The following AGO2 variants were observed in gnomAD, a reference collection of about 807,000 sequenced individuals.
AGO2 encodes the protein protein argonaute-2.
AGO2 carries 5 observed loss-of-function variants against 102.3 expected under a neutral mutation model. The observed-to-expected ratio is 0.05, with a 90% CI of 0.03 to 0.10. AGO2 has a LOEUF of 0.10. Among genes scored for constraint, AGO2 ranks in the 10% least tolerant of loss-of-function variants. AGO2 has a pLI of 1.00. For missense variants in AGO2, 541 were observed against 1,183.7 expected, an observed-to-expected ratio of 0.46 and a Z score of 7.97; for synonymous variants, 449 against 473.1, an observed-to-expected ratio of 0.95 and a Z score of 0.66.
At chr8:140,544,388 G>A in intron 13 of AGO2, 85 bp from the exon 14 acceptor site, 1 of 1,110,344 alleles carries the variant, frequency 9.0e-7, no homozygotes, top group East Asian at 2.7e-5. Context: ...CCTTTTGGAG[G>A]TGGTCAGTGT....
Position 140,539,770 on chromosome 8 carries a change from G to A in AGO2, c.2035-316C>T, listed in dbSNP as rs1224503319. ...GCTCTGCGCTGAGAAGGCACATGCA[G>A]AGGCCAAGCTCCTGCAGAAGCTCAG... On this transcript the variant is annotated intron_variant, in intron 15 of 18. Coordinates refer to ENST00000220592, the MANE Select transcript of AGO2 (RefSeq NM_012154.5). The surrounding 1 kb of genome is among the most constrained non-coding windows in gnomAD (Gnocchi z 4.7). 1.3e-5 allele frequency among the ~76,000 whole-genome samples: 2 copies of A among 152,232 alleles called. No individual in the cohort carries two copies. The highest frequency in any genetic ancestry group is 4.8e-5 in the African/African-American group (2 of 41,470).
chr8:140,562,687 G>A (rs1353917573), intron 3 of AGO2, 53 bp from the exon 4 acceptor site: 1 of 1,574,250 alleles, frequency 6.4e-7, no homozygotes. Flanking sequence ...GCCCCAGGGA[G>A]GACGCAGCCT....
intron 3 of AGO2, among the ~76,000 whole-genome samples, chr8:140,570,053 C>A (rs1201637113): frequency 3.9e-5 from 6 of 152,256 alleles, no homozygotes; most frequent in Admixed American, 2.6e-4. Flanking sequence ...GGACATGGGA[C>A]ACCGCCTTAC....
intron 1 of AGO2, among the ~76,000 whole-genome samples, chr8:140,593,806 A>G (rs1405831244): frequency 6.6e-6 from 1 of 152,130 alleles, no homozygotes; most frequent in Non-Finnish European, 1.5e-5. Context: ...GAGGTGTCTG[A>G]CAGGCAGAGC....
At position 140,624,765 on chromosome 8, in the gene AGO2, A is replaced by G. The variant is rs73364318; in HGVS notation, c.22+10720T>C. Among the ~76,000 whole-genome samples the G allele has an allele frequency of 3.1e-3, 478 of 152,354 alleles. 5 individuals carry two copies. Among genetic ancestry groups the G allele is most frequent in the Middle Eastern group, 0.024 (7 of 294 alleles). On this transcript the variant is annotated intron_variant, in intron 1 of 18. Coordinates refer to ENST00000220592, the MANE Select transcript of AGO2 (RefSeq NM_012154.5). ...ATAAGGAGCACAGAGGAAGACAGAC[A>G]CACACCCATGTCATGTGGTGACATC...
In AGO2 at chr8:140,540,099, C is replaced by CA. The variant is rs577749881; in HGVS notation, c.2035-646dup. ...GAGAGTCTTTCTCAAAAAAAACAAA[C>CA]AAAAAAACAAAACAAAAAACACACA... On this transcript the variant is annotated intron_variant, in intron 15 of 18. Transcript: ENST00000220592. This position sits in a 1 kb window ranked among gnomAD's most constrained non-coding sequence, Gnocchi z 5.0. Among the ~76,000 whole-genome samples, 178 of 152,030 alleles carry CA rather than the reference C, an allele frequency of 1.2e-3. No individual in the cohort carries two copies. The highest frequency in any genetic ancestry group is 2.3e-3 in the African/African-American group (97 of 41,462).
At chr8:140,632,061 A>AT (rs1489844918) in intron 1 of AGO2, among the ~76,000 whole-genome samples, 1 of 152,248 alleles carries the variant, frequency 6.6e-6, no homozygotes, top group Non-Finnish European at 1.5e-5. Context: ...AGACTGGACC[A>AT]TTACAGGAGA....
At chr8:140,595,075 C>T (rs955266276) in intron 1 of AGO2, among the ~76,000 whole-genome samples, 5 of 152,130 alleles carry the variant, frequency 3.3e-5, no homozygotes, top group Non-Finnish European at 5.9e-5. Flanking sequence ...TTTAAAATTA[C>T]AAGCCTTTTG....
rs987724183 is a variant in AGO2, at chr8:140,540,567, C to A, written c.2034+597G>T. Among the ~76,000 whole-genome samples, 17 of 152,180 alleles carry A rather than the reference C, an allele frequency of 1.1e-4. No homozygotes were observed. Among genetic ancestry groups the A allele is most frequent in the African/African-American group, 3.1e-4 (13 of 41,446 alleles). On this transcript the variant is annotated intron_variant, in intron 15 of 18. Transcript: ENST00000220592. This position sits in a 1 kb window ranked among gnomAD's most constrained non-coding sequence, Gnocchi z 5.0. ...CCTTGATCTGGGGGTGCTGCGTGTG[C>A]TCTCAACCAAAGACAGCAACGAAAC...
At chr8:140,636,892 A>G (rs1212479572), upstream of AGO2, 1 of 152,304 alleles carries the variant, frequency 6.6e-6, no homozygotes, top group Admixed American at 6.5e-5. Context: ...CAGTGTGCTC[A>G]TATTCACAGG....
At chr8:140,619,246 A>G (rs1399941719) in intron 1 of AGO2, among the ~76,000 whole-genome samples, 1 of 152,192 alleles carries the variant, frequency 6.6e-6, no homozygotes, top group Non-Finnish European at 1.5e-5. Context: ...GCTCGGGAGC[A>G]AGTCTAATAT....
chr8:140,541,455 C>T, intron 14 of AGO2, 97 bp from the exon 15 acceptor site: 1 of 1,183,912 alleles, frequency 8.4e-7, no homozygotes, highest in Non-Finnish European at 1.2e-6. Context: ...CGAGAAGTGT[C>T]CCCACCCTGG....
At chr8:140,609,037 T>C (rs2133062706) in intron 1 of AGO2, among the ~76,000 whole-genome samples, 1 of 152,298 alleles carries the variant, frequency 6.6e-6, no homozygotes, top group East Asian at 1.9e-4. Context: ...TCTGCAGATC[T>C]GGTAAGCATC....
At chr8:140,579,651 G>T (rs925952352) in intron 2 of AGO2, among the ~76,000 whole-genome samples, 1 of 151,752 alleles carries the variant, frequency 6.6e-6, no homozygotes. Context: ...ATACTTAGAT[G>T]GTGTCTTTTG....
intron 2 of AGO2, among the ~76,000 whole-genome samples, chr8:140,579,601 C>T (rs1390727871): frequency 6.6e-6 from 1 of 152,032 alleles, no homozygotes; most frequent in Non-Finnish European, 1.5e-5. Context: ...CACCACACTG[C>T]ATGCCCCAGC....
At chr8:140,625,317 G>A (rs2074262161) in intron 1 of AGO2, among the ~76,000 whole-genome samples, 1 of 152,258 alleles carries the variant, frequency 6.6e-6, no homozygotes, top group South Asian at 2.1e-4. Context: ...CGTTAGCCAG[G>A]CTGGCCTCAA....
chr8:140,600,707 C>A (rs995164996), intron 1 of AGO2, among the ~76,000 whole-genome samples: 1 of 151,208 alleles, frequency 6.6e-6, no homozygotes, highest in Admixed American at 6.6e-5. Flanking sequence ...CCAAAACACG[C>A]TCTCTGTTTT....
intron 2 of AGO2, among the ~76,000 whole-genome samples, chr8:140,576,306 A>C (rs2073462329): frequency 6.6e-6 from 1 of 152,162 alleles, no homozygotes; most frequent in African/African-American, 2.4e-5. Context: ...ACAGAGTGAG[A>C]CTCTATCTCA....
Position 140,558,494 on chromosome 8 carries a change from C to A in AGO2, c.869G>T (p.Ser290Ile), listed in dbSNP as rs1430140176. ...AGGAAGGGCGTGTTACGTTTGGTGA[C>A]TGGCGGGCCGCCGGGTCACATTGCA... is the stretch of plus-strand genomic sequence containing the variant. ...RVCNVTRRPA[S>I]HQTFPLQQES... Residue 290 changes from serine to isoleucine, a missense_variant, in exon 7 of 19, where the codon AGT becomes ATT. This residue lies in a region of AGO2 where 38 missense variants were observed against 68.1 expected (regional missense o/e 0.56). Transcript: ENST00000220592. 1 of 1,614,238 alleles carries A rather than the reference C, an allele frequency of 6.2e-7. No homozygotes were observed. Among genetic ancestry groups the A allele is most frequent in the Admixed American group, 1.7e-5 (1 of 60,028 alleles).
Sources: gnomAD v4.1 joint callset for allele counts (sites outside exome capture counted in the v4.1 genomes callset) on GRCh38, gnomAD v4.1.1 for gene constraint, gnomAD v4.1.1 regional missense constraint, Gnocchi (gnomAD v3.1) non-coding constraint, MANE v1.5 for transcripts, NCBI Gene and HGNC (gene_info 2026-07-23, HGNC 2026-07-21) for gene names.